Variants in FLT3 observed in about 807,000 individuals in gnomAD.
FLT3 encodes the protein fms related receptor tyrosine kinase 3.
Under a neutral mutation model 126.6 loss-of-function variants are expected in FLT3, and 46 were observed. That is an observed-to-expected ratio of 0.36 (90% CI 0.29 to 0.46). The LOEUF (loss-of-function observed/expected upper bound fraction) is 0.46. Among genes scored for constraint, FLT3 ranks in the 20% least tolerant of loss-of-function variants. The pLI is 1.00. For synonymous variants in FLT3, 404 were observed against 434.4 expected, an observed-to-expected ratio of 0.93 and a Z score of 0.87; for missense variants, 1,069 against 1,190.3, an observed-to-expected ratio of 0.90 and a Z score of 1.50.
At chr13:28,068,533 T>C (rs1877232068) in intron 2 of FLT3, among the ~76,000 whole-genome samples, 1 of 151,038 alleles carries the variant, frequency 6.6e-6, no homozygotes, top group African/African-American at 2.4e-5. Flanking sequence ...ATATATATCA[T>C]ATATATATAT....
chr13:28,035,597 T>C lies in FLT3; in HGVS notation c.1495A>G (p.Ser499Gly). ...RKVFGQWVSS[S>G]TLNMSEAIKG... ...ATGGCTTCACTCATGTTTAGAGTAC[T>C]GCTCGACACCCACTGTCCAAACACT... The change falls in exon 12 of 24, where the codon AGT becomes GGT. Residue 499 changes from serine to glycine, a missense_variant. Transcript: ENST00000241453. The C allele has an allele frequency of 1.2e-6, 2 of 1,614,230 alleles. No homozygotes were observed. Among genetic ancestry groups the C allele is most frequent in the Non-Finnish European group, 1.7e-6 (2 of 1,180,036 alleles).
intron 2 of FLT3, among the ~76,000 whole-genome samples, chr13:28,066,304 G>T (rs181015686): frequency 6.6e-6 from 1 of 152,148 alleles, no homozygotes; most frequent in Non-Finnish European, 1.5e-5. Context: ...TCTGCCTGCC[G>T]AGAGGGCCTA....
At chr13:28,010,534 G>A (rs909833250) in intron 23 of FLT3, among the ~76,000 whole-genome samples, 2 of 152,118 alleles carry the variant, frequency 1.3e-5, no homozygotes, top group East Asian at 1.9e-4. Flanking sequence ...AATCTTCATC[G>A]GTTCACCACT....
intron 23 of FLT3, among the ~76,000 whole-genome samples, chr13:28,011,037 T>C (rs894950841): frequency 6.8e-6 from 1 of 146,332 alleles, no homozygotes; most frequent in Admixed American, 6.9e-5. Flanking sequence ...TAGGGCCAGG[T>C]GGGGTGGCTC....
intron 15 of FLT3, among the ~76,000 whole-genome samples, chr13:28,032,481 A>G (rs755791632): frequency 6.6e-6 from 1 of 152,216 alleles, no homozygotes; most frequent in Non-Finnish European, 1.5e-5. Flanking sequence ...ATGGTGGCGC[A>G]TGCCTGTAGT....
chr13:28,028,687 A>C (rs1873031506), intron 15 of FLT3, among the ~76,000 whole-genome samples: 1 of 152,158 alleles, frequency 6.6e-6, no homozygotes, highest in African/African-American at 2.4e-5. Flanking sequence ...ACAAGAGTGA[A>C]ACTCCATCTT....
intron 23 of FLT3, among the ~76,000 whole-genome samples, chr13:28,006,364 C>T (rs1870895775): frequency 6.7e-6 from 1 of 148,606 alleles, no homozygotes; most frequent in South Asian, 2.1e-4. Context: ...AAAATATATC[C>T]ATTGTGAACC....
At chr13:28,019,960 A>T (rs1182023238) in intron 19 of FLT3, among the ~76,000 whole-genome samples, 3 of 152,174 alleles carry the variant, frequency 2.0e-5, no homozygotes. Flanking sequence ...GGATGCAACC[A>T]CCATTGCCCA....
intron 1 of FLT3, among the ~76,000 whole-genome samples, chr13:28,086,440 A>G (rs894259006): frequency 6.6e-6 from 1 of 152,150 alleles, no homozygotes; most frequent in Non-Finnish European, 1.5e-5. Flanking sequence ...TAAGCTATAA[A>G]CCCCACAAGA....
At chr13:28,025,236 A>G in intron 17 of FLT3, 1 of 434,070 alleles carries the variant, frequency 2.3e-6, no homozygotes, top group South Asian at 2.3e-5. Context: ...ATAAAAGAGA[A>G]ATTAGGCACA....
chr13:28,093,756 A>ATATT, intron 1 of FLT3, among the ~76,000 whole-genome samples: 6 of 152,056 alleles, frequency 3.9e-5, no homozygotes. Context: ...CACTGTGCAT[A>ATATT]TTTCTAAAAC....
At chr13:28,049,838 T>C in intron 6 of FLT3, 64 bp from the exon 7 acceptor site, 1 of 1,523,124 alleles carries the variant, frequency 6.6e-7, no homozygotes, top group Non-Finnish European at 8.9e-7. Flanking sequence ...ACAAAAGATA[T>C]CCTGAACATT....
At chr13:28,082,715 G>GT (rs869058242) in intron 1 of FLT3, among the ~76,000 whole-genome samples, 3 of 102,904 alleles carry the variant, frequency 2.9e-5, no homozygotes, top group African/African-American at 9.5e-5. Flanking sequence ...GTTTTGTTTT[G>GT]TTTTTTGAGA....
At chr13:28,050,811 G>A (rs1367666601) in intron 5 of FLT3, among the ~76,000 whole-genome samples, 4 of 148,742 alleles carry the variant, frequency 2.7e-5, no homozygotes, top group African/African-American at 9.8e-5. Context: ...AAAGTATTTG[G>A]TACTTTTTCT....
chr13:28,086,301 C>A (rs1878666243), intron 1 of FLT3, among the ~76,000 whole-genome samples: 1 of 152,112 alleles, frequency 6.6e-6, no homozygotes, highest in South Asian at 2.1e-4. Flanking sequence ...TACATGTTTA[C>A]CATAACACAG....
At chr13:28,092,578 A>T (rs2137829965) in intron 1 of FLT3, among the ~76,000 whole-genome samples, 1 of 151,954 alleles carries the variant, frequency 6.6e-6, no homozygotes, top group East Asian at 1.9e-4. Flanking sequence ...TCAGCTCCAC[A>T]TCTCTATCAC....
chr13:28,065,741 T>C (rs1254702183), intron 2 of FLT3, among the ~76,000 whole-genome samples: 12 of 150,398 alleles, frequency 8.0e-5, no homozygotes, highest in Admixed American at 2.0e-4. Context: ...GGCAGGAGGA[T>C]TGCTTGAGCC....
At chr13:28,039,013 T>C (rs761737261) in intron 9 of FLT3, among the ~76,000 whole-genome samples, 3 of 151,850 alleles carry the variant, frequency 2.0e-5, no homozygotes, top group East Asian at 1.9e-4. Flanking sequence ...GGGGCCTTCA[T>C]AGAGGAGGTA....
chr13:28,023,569 G>T, intron 18 of FLT3, 92 bp from the exon 19 acceptor site: 1 of 1,382,106 alleles, frequency 7.2e-7, no homozygotes, highest in Non-Finnish European at 1.0e-6. Context: ...CCAGAGTTAG[G>T]TGAGGTGCTA....
Sources: gnomAD v4.1 joint callset for allele counts (sites outside exome capture counted in the v4.1 genomes callset) on GRCh38, gnomAD v4.1.1 for gene constraint, MANE v1.5 for transcripts, NCBI Gene and HGNC (gene_info 2026-07-23, HGNC 2026-07-21) for gene names.